Variants in KANK1 observed in about 807,000 individuals in gnomAD.
The protein encoded by KANK1 is KN motif and ankyrin repeat domain-containing protein 1.
Under a neutral mutation model 106.2 loss-of-function variants are expected in KANK1, and 109 were observed. The ratio of observed to expected loss-of-function variants is 1.03; its 90% confidence interval spans 0.88 to 1.20. KANK1 has a LOEUF of 1.20. KANK1 is among the 50% of genes most tolerant of loss of function. The probability of loss-of-function intolerance (pLI) is 0.00; values close to 1 mark genes in which losing one functional copy is unlikely to be tolerated. For synonymous variants in KANK1, 873 were observed against 652.2 expected (o/e 1.34, Z -5.16); for missense variants, 2,399 against 1,710.7 (o/e 1.40, Z -7.10).
At chr9:680,957 T>A (rs1260203799) in intron 2 of KANK1, 1 of 152,400 alleles carries the variant, frequency 6.6e-6, no homozygotes, top group African/African-American at 2.4e-5. Context: ...CGCAGACGTG[T>A]AATCCCAACA....
At chr9:731,841 T>C (rs1044801664) in intron 5 of KANK1, 1 of 154,738 alleles carries the variant, frequency 6.5e-6, no homozygotes, top group African/African-American at 2.4e-5. Flanking sequence ...ATCAATGAAT[T>C]GATACATGGC....
rs3028166 is a variant in KANK1, at chr9:598,620, C to CTTT, written c.-83-78242_-83-78240dup. ...TTTTTTGTTTTGTTTTGTTGGTTTT[C>CTTT]TTTTTTTTTTTTTTTTTTTTTTTTT... is the stretch of plus-strand genomic sequence containing the variant. On this transcript the variant is annotated intron_variant, in intron 1 of 11. Transcript: ENST00000382297. Among the ~76,000 whole-genome samples the CTTT allele has an allele frequency of 1.5e-3, 70 of 46,670 alleles. 6 individuals are homozygous for CTTT. Among genetic ancestry groups the CTTT allele is most frequent in the African/African-American group, 3.9e-3 (58 of 14,798 alleles). 30.6% of individuals were successfully genotyped at this position (46,670 alleles called of 152,430 possible). A position where few individuals can be genotyped will look rare whatever the true frequency, so the allele number is the denominator to read the frequency against.
At chr9:529,969 A>T (rs1325311631) in intron 1 of KANK1, among the ~76,000 whole-genome samples, 1 of 152,146 alleles carries the variant, frequency 6.6e-6, no homozygotes, top group East Asian at 1.9e-4. Context: ...CTTAATCTTT[A>T]CCAATCTGTT....
rs1345065705 is a variant in KANK1 at position 510,062 on chromosome 9, T to C, written c.-84+5308T>C. Among the ~76,000 whole-genome samples, 3 of 151,984 alleles carry C rather than the reference T, an allele frequency of 2.0e-5. No individual in the cohort carries two copies. In the East Asian group the frequency reaches 5.8e-4, roughly 29 times the overall value. ...CCTGGCCTCAAACAATCCTCCCTCC[T>C]TGCCCTCCTAAAAGTGCTGGGATTA... is the stretch of plus-strand genomic sequence containing the variant. On this transcript the variant is annotated intron_variant, in intron 1 of 11. Transcript: ENST00000382297.
At chr9:666,687 T>TA (rs753568037) in intron 1 of KANK1, among the ~76,000 whole-genome samples, 11 of 152,190 alleles carry the variant, frequency 7.2e-5, no homozygotes, top group Non-Finnish European at 1.0e-4. Flanking sequence ...TTTCAGCACT[T>TA]ATTGAAATGA....
chr9:670,622 C>T (rs571161908), intron 1 of KANK1, among the ~76,000 whole-genome samples: 2 of 152,248 alleles, frequency 1.3e-5, no homozygotes, highest in South Asian at 2.1e-4. Context: ...TGCCGAACAC[C>T]CACTCTGATT....
chr9:741,058 C>CTGCAAACAAG, intron 9 of KANK1, 124 bp downstream of exon 9: 1 of 1,069,834 alleles, frequency 9.3e-7, no homozygotes, highest in Non-Finnish European at 1.3e-6. Flanking sequence ...GTTTGCAGGC[C>CTGCAAACAAG]TGCCCTGAGT....
intron 1 of KANK1, among the ~76,000 whole-genome samples, chr9:572,543 C>T (rs2134906617): frequency 6.6e-6 from 1 of 151,764 alleles, no homozygotes; most frequent in South Asian, 2.1e-4. Flanking sequence ...CAGAGCGAGA[C>T]TCCATCTCAA....
intron 1 of KANK1, among the ~76,000 whole-genome samples, chr9:569,931 C>T (rs881986): frequency 0.017 from 2,634 of 152,012 alleles, 80 homozygotes; most frequent in African/African-American, 0.06. Context: ...ACACTTGATA[C>T]GTTGTAAGGT....
intron 1 of KANK1, among the ~76,000 whole-genome samples, chr9:606,965 G>A (rs1021251865): frequency 6.9e-6 from 1 of 144,698 alleles, no homozygotes; most frequent in African/African-American, 2.6e-5. Flanking sequence ...AAGTGTAGTT[G>A]CCCGTTCACA....
rs370641316 is a variant in KANK1, at chr9:591,752, G to C, written c.-83-85138G>C. ...GCTCACTCTGCAACCTCTGCCTCCT[G>C]GGTTCAAGTGATTCTCCTGCCTCAG... On this transcript the variant is annotated intron_variant, in intron 1 of 11. Transcript: ENST00000382297. Among the ~76,000 whole-genome samples, 39 of 151,812 alleles carry C rather than the reference G, an allele frequency of 2.6e-4. 1 individual carries two copies. The highest frequency in any genetic ancestry group is 9.5e-4 in the African/African-American group (39 of 41,142).
chr9:598,054 G>T (rs918190093), intron 1 of KANK1, among the ~76,000 whole-genome samples: 2 of 151,686 alleles, frequency 1.3e-5, no homozygotes, highest in Non-Finnish European at 2.9e-5. Context: ...ATGGTATGGG[G>T]TAGGGGCCCA....
At chr9:524,067 T>C (rs1319856305) in intron 1 of KANK1, among the ~76,000 whole-genome samples, 2 of 151,704 alleles carry the variant, frequency 1.3e-5, no homozygotes, top group East Asian at 3.9e-4. Flanking sequence ...ACCCATTATG[T>C]GAGGAAATAT....
intron 3 of KANK1, among the ~76,000 whole-genome samples, chr9:728,298 A>C (rs1163308789): frequency 6.6e-6 from 1 of 152,130 alleles, no homozygotes; most frequent in South Asian, 2.1e-4. Flanking sequence ...TCCGGGTTCG[A>C]GCCATTCTCC....
At chr9:550,552 A>G (rs556995940) in intron 1 of KANK1, among the ~76,000 whole-genome samples, 65 of 152,296 alleles carry the variant, frequency 4.3e-4, no homozygotes, top group Non-Finnish European at 4.3e-4. Flanking sequence ...TGAGGCCGCA[A>G]TGAGTTATCG....
chr9:563,027 A>C (rs763342432), intron 1 of KANK1, among the ~76,000 whole-genome samples: 3 of 152,166 alleles, frequency 2.0e-5, no homozygotes, highest in Non-Finnish European at 4.4e-5. Context: ...AATCACTCTC[A>C]CAGCCAGATT....
At chr9:741,958 C>A (rs1320207765) in intron 9 of KANK1, among the ~76,000 whole-genome samples, 3 of 152,178 alleles carry the variant, frequency 2.0e-5, no homozygotes, top group African/African-American at 7.2e-5. Context: ...CTTCCAGCCC[C>A]TTACTCTACT....
Position 613,671 on chromosome 9 carries a change from A to AACTTT in KANK1, c.-83-63218_-83-63214dup, listed in dbSNP as rs1219090856. On this transcript the variant is annotated intron_variant, in intron 1 of 11. Transcript: ENST00000382297. ...CACAGAGAGCAAACTCTCTATTACT[A>AACTTT]ACTTTTTTCCTCTTCTCAATGTAAA... 1.3e-5 allele frequency among the ~76,000 whole-genome samples: 2 copies of AACTTT among 152,178 alleles called. 1 individual carries two copies. The highest frequency in any genetic ancestry group is 3.8e-4 in the East Asian group (2 of 5,206).
rs993803616 is a variant in KANK1 at position 534,592 on chromosome 9, A to AT, written c.-84+29844dup. On this transcript the variant is annotated intron_variant, in intron 1 of 11. Transcript: ENST00000382297. ...TTTTATCTTGATCACTCCTAGCGTG[A>AT]TTTTTTCCCCCTCTTAGTTATGCAG... Among the ~76,000 whole-genome samples the AT allele has an allele frequency of 7.2e-5, 11 of 152,266 alleles. No homozygotes were observed. The East Asian group carries it at 1.5e-3, about 21-fold the overall frequency.
Sources: allele counts gnomAD v4.1 joint callset (sites outside exome capture counted in the v4.1 genomes callset), GRCh38; gene constraint gnomAD v4.1.1; transcripts MANE v1.5; gene names NCBI Gene and HGNC (gene_info 2026-07-23, HGNC 2026-07-21).